Variants in TMEM245 observed in about 807,000 individuals in gnomAD.
TMEM245 encodes the protein protein CG-2.
TMEM245 carries 69 observed loss-of-function variants against 101.2 expected under a neutral mutation model. That is an observed-to-expected ratio of 0.68 (90% CI 0.56 to 0.83). The LOEUF (loss-of-function observed/expected upper bound fraction) is 0.83. Among genes scored for constraint, TMEM245 ranks in the 40% least tolerant of loss-of-function variants. The pLI, the probability that TMEM245 is intolerant of heterozygous loss-of-function variation, is 0.00. For missense variants in TMEM245, 1,075 were observed against 1,092.8 expected (o/e 0.98, Z 0.23); for synonymous variants, 537 against 449.8 (o/e 1.19, Z -2.45).
At chr9:109,088,540 T>C (rs1250691141) in intron 5 of TMEM245, among the ~76,000 whole-genome samples, 10 of 151,186 alleles carry the variant, frequency 6.6e-5, no homozygotes, top group Non-Finnish European at 1.5e-4. Flanking sequence ...AAAAAAAGTA[T>C]GGAACAGGGC....
Position 109,019,297 on chromosome 9 carries a change from G to A in TMEM245, c.*1163C>T, listed in dbSNP as rs1827548217. 6.6e-6 allele frequency: 1 copy of A among 152,180 alleles called. No individual in the cohort carries two copies. The highest frequency in any genetic ancestry group is 2.4e-5 in the African/African-American group (1 of 41,428). The allele number at this position is 152,180 out of a possible 1,614,324, so 9.4% of individuals were successfully genotyped here. ...GCACACAACGGAGTCAAAGATCTGA[G>A]GCCAAATCCTACTACACTTTACGAC... On this transcript the variant is annotated 3_prime_UTR_variant, in exon 18 of 18. Transcript: ENST00000374586.
chr9:109,036,114 T>C, intron 16 of TMEM245, 92 bp downstream of exon 16: 1 of 1,089,040 alleles, frequency 9.2e-7, no homozygotes, highest in Non-Finnish European at 1.2e-6. Context: ...AGTTCTTTTG[T>C]ATACCCCCAG....
At chr9:109,023,936 G>C (rs912837015) in intron 17 of TMEM245, among the ~76,000 whole-genome samples, 1 of 151,724 alleles carries the variant, frequency 6.6e-6, no homozygotes, top group African/African-American at 2.4e-5. Context: ...CCTCCTTTCA[G>C]AGCAACAGGG....
chr9:109,042,729 G>A (rs1454973821), intron 14 of TMEM245, among the ~76,000 whole-genome samples: 7 of 151,510 alleles, frequency 4.6e-5, no homozygotes, highest in Middle Eastern at 3.4e-3. Context: ...TTTAGTATGC[G>A]CACAATTTGT....
intron 8 of TMEM245, among the ~76,000 whole-genome samples, chr9:109,074,622 A>G (rs985155971): frequency 6.6e-6 from 1 of 151,774 alleles, no homozygotes; most frequent in Non-Finnish European, 1.5e-5. Flanking sequence ...AAAGTTCCAT[A>G]GTATGCCAGG....
intron 17 of TMEM245, among the ~76,000 whole-genome samples, chr9:109,025,413 G>T (rs1827764739): frequency 1.3e-5 from 2 of 152,144 alleles, no homozygotes; most frequent in African/African-American, 4.8e-5. Flanking sequence ...AATTATGAAA[G>T]ATATAAACCT....
chr9:109,083,545 T>C (rs540086695), intron 7 of TMEM245, among the ~76,000 whole-genome samples: 5 of 152,298 alleles, frequency 3.3e-5, no homozygotes, highest in South Asian at 4.1e-4. Flanking sequence ...ATGAAGGGCA[T>C]GCATTTTTTA....
chr9:109,046,303 G>C (rs1351216718), intron 14 of TMEM245: 1 of 534,140 alleles, frequency 1.9e-6, no homozygotes, highest in Non-Finnish European at 3.8e-6. Flanking sequence ...ATCTCCACCA[G>C]AGCAAGCAGA....
chr9:109,112,622 C>A (rs1261411250), intron 1 of TMEM245, among the ~76,000 whole-genome samples: 1 of 151,440 alleles, frequency 6.6e-6, no homozygotes, highest in African/African-American at 2.4e-5. Context: ...ATGAAAAGAG[C>A]AAGGTACAGA....
chr9:109,035,916 G>C (rs1281316398), intron 16 of TMEM245: 1 of 161,918 alleles, frequency 6.2e-6, no homozygotes, highest in Non-Finnish European at 1.1e-5. Context: ...CACTCTAGCA[G>C]TCTGAGTGAA....
At position 109,066,573 on chromosome 9, in the gene TMEM245, A is replaced by C. The variant is rs574038981; in HGVS notation, c.1533-2006T>G. Among the ~76,000 whole-genome samples the C allele has an allele frequency of 7.0e-3, 1,068 of 152,170 alleles. 12 individuals carry two copies. Among genetic ancestry groups the C allele is most frequent in the African/African-American group, 0.024 (1,015 of 41,524 alleles). ...ATAAACAGGAAATCTGGGTCACTAAACTGAAATGTGATTCGGGAGAAATTA... is the reference window on the plus strand; with the variant it reads ...ATAAACAGGAAATCTGGGTCACTAACCTGAAATGTGATTCGGGAGAAATTA... On this transcript the variant is annotated intron_variant, in intron 9 of 17. Coordinates refer to ENST00000374586, the MANE Select transcript of TMEM245 (RefSeq NM_032012.4).
chr9:109,064,698 G>A lies in TMEM245; in HGVS notation c.1533-131C>T, dbSNP rs141550447. 3.8e-4 allele frequency: 232 copies of A among 611,890 alleles called. 2 individuals carry two copies. The highest frequency in any genetic ancestry group is 3.6e-3 in the African/African-American group (198 of 54,918). The allele number at this position is 611,890 out of a possible 1,614,324, so 37.9% of individuals were successfully genotyped here. ...CATTCACCAATACACAGATACCAAA[G>A]CATCATGAGCAGGACTTCCAGGCTT... is the stretch of plus-strand genomic sequence containing the variant. On this transcript the variant is annotated intron_variant, in intron 9 of 17. Coordinates refer to ENST00000374586, the MANE Select transcript of TMEM245 (RefSeq NM_032012.4).
intron 3 of TMEM245, among the ~76,000 whole-genome samples, chr9:109,103,457 T>C (rs757122053): frequency 2.6e-5 from 4 of 152,066 alleles, no homozygotes; most frequent in Non-Finnish European, 4.4e-5. Context: ...CTGTTCACAA[T>C]AGCCAAAATT....
intron 4 of TMEM245, among the ~76,000 whole-genome samples, chr9:109,093,090 A>G (rs1168318780): frequency 6.6e-6 from 1 of 152,206 alleles, no homozygotes; most frequent in Non-Finnish European, 1.5e-5. Flanking sequence ...GTTGTAGAAG[A>G]AAGAAATGGA....
At chr9:109,088,005 T>C (rs112499408) in intron 5 of TMEM245, among the ~76,000 whole-genome samples, 3 of 152,184 alleles carry the variant, frequency 2.0e-5, no homozygotes, top group Admixed American at 6.5e-5. Flanking sequence ...TGTCTCCTCC[T>C]GGAGTTGGGC....
At chr9:109,044,784 TAG>T (rs1828429660) in intron 14 of TMEM245, among the ~76,000 whole-genome samples, 1 of 145,504 alleles carries the variant, frequency 6.9e-6, no homozygotes, top group South Asian at 2.2e-4. Context: ...TTTTTTGAGA[TAG>T]AGTCTCACTG....
intron 3 of TMEM245, among the ~76,000 whole-genome samples, chr9:109,099,702 T>C (rs1228015931): frequency 1.3e-5 from 2 of 152,168 alleles, no homozygotes; most frequent in Non-Finnish European, 2.9e-5. Flanking sequence ...ACAATGCTAG[T>C]GTACCTCTTT....
At chr9:109,090,896 G>T in intron 5 of TMEM245, 26 bp downstream of exon 5, 1 of 1,593,256 alleles carries the variant, frequency 6.3e-7, no homozygotes, top group South Asian at 1.1e-5. Flanking sequence ...AAGACAAGAC[G>T]AGATCGTACT....
At chr9:109,036,407 CTT>C in intron 15 of TMEM245, 27 bp from the exon 16 acceptor site, 1 of 1,550,592 alleles carries the variant, frequency 6.4e-7, no homozygotes, top group South Asian at 1.2e-5. Context: ...AGAAAAACAA[CTT>C]AACATCATCA....
Sources: gnomAD v4.1 joint callset for allele counts (sites outside exome capture counted in the v4.1 genomes callset) on GRCh38, gnomAD v4.1.1 for gene constraint, MANE v1.5 for transcripts, NCBI Gene and HGNC (gene_info 2026-07-23, HGNC 2026-07-21) for gene names.